ZZEF1: variants seen among roughly 807,000 people sequenced by gnomAD.
ZZEF1 encodes the protein zinc finger ZZ-type and EF-hand domain containing 1.
A neutral mutation model predicts 342.8 loss-of-function variants in ZZEF1; 157 were observed. That is an observed-to-expected ratio of 0.46 (90% CI 0.40 to 0.52). ZZEF1 has a LOEUF of 0.52. ZZEF1 is among the 20% of genes least tolerant of loss of function. The pLI, the probability that ZZEF1 is intolerant of heterozygous loss-of-function variation, is 0.00. For synonymous variants in ZZEF1, 1,505 were observed against 1,429.1 expected, an observed-to-expected ratio of 1.05 and a Z score of -1.20; for missense variants, 3,480 against 3,725.6, an observed-to-expected ratio of 0.93 and a Z score of 1.72.
At position 4,053,922 on chromosome 17, in the gene ZZEF1, C is replaced by A. The variant is rs188050485; in HGVS notation, c.5434+135G>T. 3 of 971,638 alleles carry A rather than the reference C, an allele frequency of 3.1e-6. No individual in the cohort carries two copies. The African/African-American group carries it at 4.9e-5, about 16-fold the overall frequency. The allele number at this position is 971,638 out of a possible 1,614,324, so 60.2% of individuals were successfully genotyped here. A position where few individuals can be genotyped will look rare whatever the true frequency, so the allele number is the denominator to read the frequency against. On this transcript the variant is annotated intron_variant, in intron 34 of 54. Coordinates refer to ENST00000381638, the MANE Select transcript of ZZEF1 (RefSeq NM_015113.4). ...TAGTTGAGGAGATAAGGCTCATGTT[C>A]GCCAAGAAGTCAGAGAAAATACCAC...
At chr17:4,075,901 T>C (rs1439311377) in intron 21 of ZZEF1, 1 of 153,662 alleles carries the variant, frequency 6.5e-6, no homozygotes, top group African/African-American at 2.4e-5. Flanking sequence ...AGAGTTGTGC[T>C]CTGTGGCACA....
At chr17:4,022,865 G>A (rs367683025) in intron 43 of ZZEF1, 37 bp from the exon 44 acceptor site, 67 of 1,609,352 alleles carry the variant, frequency 4.2e-5, no homozygotes, top group Middle Eastern at 1.7e-4. Context: ...TGACTGCCTT[G>A]GAGTGAAGAA....
In ZZEF1 at chr17:4,017,227, G is replaced by T; in HGVS notation, c.8001+144C>A. 1 of 1,179,840 alleles carries T rather than the reference G, an allele frequency of 8.5e-7. No individual in the cohort carries two copies. Among genetic ancestry groups the T allele is most frequent in the Non-Finnish European group, 1.2e-6 (1 of 857,058 alleles). 73.1% of individuals were successfully genotyped at this position (1,179,840 alleles called of 1,614,324 possible). On this transcript the variant is annotated intron_variant, in intron 48 of 54. Transcript: ENST00000381638. The surrounding 1 kb of genome is among the most constrained non-coding windows in gnomAD (Gnocchi z 5.1). Reference sequence around the variant, plus strand: ...CCCAATCCTTGGGAGAGGATACAGTGACCCTACCTTTGCTGCATTCACACC... The same window carrying T: ...CCCAATCCTTGGGAGAGGATACAGTTACCCTACCTTTGCTGCATTCACACC...
At chr17:4,031,117 C>G (rs1006458389) in intron 42 of ZZEF1, among the ~76,000 whole-genome samples, 8 of 152,064 alleles carry the variant, frequency 5.3e-5, no homozygotes, top group African/African-American at 1.9e-4. Flanking sequence ...GAGTTTGAGA[C>G]CAGCCTGGCC....
At position 4,006,871 on chromosome 17, in the gene ZZEF1, A is replaced by G. The variant is rs116870033; in HGVS notation, c.*19T>C. 8.3e-3 allele frequency: 13,055 copies of G among 1,569,180 alleles called. 840 individuals are homozygous for G. The Admixed American group carries it at 0.15, about 18-fold the overall frequency. On this transcript the variant is annotated 3_prime_UTR_variant, in exon 55 of 55. Transcript: ENST00000381638. ...TCCCTGTGGCAGATGAACTAGTCCC[A>G]TGCACGCCCCACCAAGGGCTAACAC...
At chr17:4,037,717 G>A (rs900705567) in intron 39 of ZZEF1, among the ~76,000 whole-genome samples, 4 of 152,202 alleles carry the variant, frequency 2.6e-5, no homozygotes, top group African/African-American at 9.7e-5. Context: ...CCAAGTAGCT[G>A]AGACTATAGG....
chr17:4,117,014 CG>C lies in ZZEF1; in HGVS notation c.651del (p.Val218SerfsTer2). ...HCNNMCTMRS[S>X]VLKESLDQLV... ...AGCTGATCCAGAGACTCCTTCAGGA[CG>C]GAAGACCGCATGGTGCACATGTTAT... On this transcript the variant is annotated frameshift_variant, in exon 3 of 55. Transcript: ENST00000381638. LOFTEE classifies it high-confidence loss of function. The C allele has an allele frequency of 6.2e-7, 1 of 1,613,260 alleles. No homozygotes were observed. The highest frequency in any genetic ancestry group is 8.5e-7 in the Non-Finnish European group (1 of 1,179,466).
chr17:4,142,881 C>T lies in ZZEF1; in HGVS notation c.15G>A (p.Pro5=). 1 of 1,369,162 alleles carries T rather than the reference C, an allele frequency of 7.3e-7. No individual in the cohort carries two copies. The highest frequency in any genetic ancestry group is 1.8e-5 in the South Asian group (1 of 55,532). The allele number at this position is 1,369,162 out of a possible 1,614,324, so 84.8% of individuals were successfully genotyped here. The change falls in exon 1 of 55, where the codon CCG becomes CCA. Residue 5 remains proline (P), a synonymous_variant. Transcript: ENST00000381638. ...CCGCTTCGTCTTCACTGCTGTGACTCGGAGCGTTCCCCATGGGGTCTCCGT... is the reference window on the plus strand; with the variant it reads ...CCGCTTCGTCTTCACTGCTGTGACTTGGAGCGTTCCCCATGGGGTCTCCGT... MGNA[P]SHSSEDEAAA...
rs543758398 is a variant in ZZEF1, at chr17:4,105,591, A to G, written c.1394+102T>C. 3.7e-4 allele frequency: 344 copies of G among 925,520 alleles called. 3 individuals carry two copies. In the African/African-American group the frequency reaches 4.8e-3, roughly 13 times the overall value. The allele number at this position is 925,520 out of a possible 1,614,324, so 57.3% of individuals were successfully genotyped here. On this transcript the variant is annotated intron_variant, in intron 7 of 54. Coordinates refer to ENST00000381638, the MANE Select transcript of ZZEF1 (RefSeq NM_015113.4). ...TAGCTGCTAAAAAGCAACCATTTTT[A>G]GTGGTGATCGTTAAAAGATTAATAT...
chr17:4,137,369 G>A (rs1342217619), intron 1 of ZZEF1, among the ~76,000 whole-genome samples: 1 of 152,200 alleles, frequency 6.6e-6, no homozygotes, highest in Admixed American at 6.5e-5. Flanking sequence ...CCAGCACTTT[G>A]GGAGGCCGAG....
At chr17:4,064,303 A>G in intron 29 of ZZEF1, 58 bp downstream of exon 29, 1 of 1,355,770 alleles carries the variant, frequency 7.4e-7, no homozygotes, top group South Asian at 1.4e-5. Context: ...GCCTCTGACT[A>G]GACTGGGTAC....
At chr17:4,133,124 G>C (rs1182326350) in intron 1 of ZZEF1, among the ~76,000 whole-genome samples, 3 of 152,160 alleles carry the variant, frequency 2.0e-5, no homozygotes, top group Non-Finnish European at 4.4e-5. Context: ...ATATTTGTAA[G>C]ACTCAAGGTC....
chr17:4,017,328 G>A lies in ZZEF1; in HGVS notation c.8001+43C>T, dbSNP rs1470686071. The A allele has an allele frequency of 6.5e-7, 1 of 1,545,472 alleles. No homozygotes were observed. Among genetic ancestry groups the A allele is most frequent in the East Asian group, 2.3e-5 (1 of 44,142 alleles). On this transcript the variant is annotated intron_variant, in intron 48 of 54. Coordinates refer to ENST00000381638, the MANE Select transcript of ZZEF1 (RefSeq NM_015113.4). The surrounding 1 kb of genome is among the most constrained non-coding windows in gnomAD (Gnocchi z 5.1). ...ACTGGAGGAAGCCTGTGGGGCAGAG[G>A]AAGAACCTGGTGGGTGAGCACAAGC...
rs572120227 is a variant in ZZEF1 at position 4,014,870 on chromosome 17, T to C, written c.8146-355A>G. Among the ~76,000 whole-genome samples, 3 of 152,254 alleles carry C rather than the reference T, an allele frequency of 2.0e-5. No homozygotes were observed. Among genetic ancestry groups the C allele is most frequent in the South Asian group, 4.1e-4 (2 of 4,820 alleles). ...ACAGGGTAACAGCCCTGTGAAGGTC[T>C]AGCATGTTCAGGGAATGGCAAGGAG... On this transcript the variant is annotated intron_variant, in intron 49 of 54. Transcript: ENST00000381638. The surrounding 1 kb of genome is among the most constrained non-coding windows in gnomAD (Gnocchi z 4.4).
At chr17:4,080,633 G>A (rs35175562) in intron 18 of ZZEF1, among the ~76,000 whole-genome samples, 76,741 of 151,986 alleles carry the variant, frequency 0.5, 21,693 homozygotes, top group East Asian at 0.73. Context: ...CAGGTGATCC[G>A]CCCACCTTGG....
At chr17:4,112,520 G>C (rs2058330504) in intron 5 of ZZEF1, 89 bp downstream of exon 5, 2 of 1,317,976 alleles carry the variant, frequency 1.5e-6, no homozygotes, top group Non-Finnish European at 2.1e-6. Flanking sequence ...GAAGCAAACC[G>C]AATCTCAAAA....
intron 54 of ZZEF1, among the ~76,000 whole-genome samples, chr17:4,007,716 A>G (rs2055838697): frequency 6.6e-6 from 1 of 152,018 alleles, no homozygotes; most frequent in South Asian, 2.1e-4. Context: ...CTCTGCCTAC[A>G]GGTCTCGGGT....
At chr17:4,096,318 C>T (rs184431691) in intron 10 of ZZEF1, among the ~76,000 whole-genome samples, 1 of 151,302 alleles carries the variant, frequency 6.6e-6, no homozygotes, top group African/African-American at 2.4e-5. Flanking sequence ...AAAAAAAAAA[C>T]CAAAACACCA....
At chr17:4,046,755 T>A (rs946808446) in intron 37 of ZZEF1, among the ~76,000 whole-genome samples, 2 of 152,234 alleles carry the variant, frequency 1.3e-5, no homozygotes, top group Non-Finnish European at 2.9e-5. Context: ...TCCCAAGTTA[T>A]GGCAAATGAC....
Sources: gnomAD v4.1 joint callset for allele counts (sites outside exome capture counted in the v4.1 genomes callset) on GRCh38, gnomAD v4.1.1 for gene constraint, Gnocchi (gnomAD v3.1) non-coding constraint, MANE v1.5 for transcripts, NCBI Gene and HGNC (gene_info 2026-07-23, HGNC 2026-07-21) for gene names.